Variants in ANO2 observed in about 807,000 individuals in gnomAD.
ANO2 encodes anoctamin 2, also known as anoctamin-2.
ANO2 carries 101 observed loss-of-function variants against 124.2 expected under a neutral mutation model. The ratio of observed to expected loss-of-function variants is 0.81; its 90% CI spans 0.69 to 0.96. ANO2 has a LOEUF of 0.96. ANO2 is among the 40% of genes least tolerant of loss of function. ANO2 has a pLI of 0.00. For synonymous variants in ANO2, 486 were observed against 482.5 expected (o/e 1.01, Z -0.09); for missense variants, 1,293 against 1,274.5 (o/e 1.01, Z -0.22).
chr12:5,818,457 A>G (rs1407225050), intron 7 of ANO2, among the ~76,000 whole-genome samples: 2 of 8,454 alleles, frequency 2.4e-4, no homozygotes, highest in African/African-American at 5.1e-4. Context: ...TTATATATAT[A>G]TATATATATA....
At chr12:5,706,571 C>T (rs1184600202) in intron 14 of ANO2, among the ~76,000 whole-genome samples, 1 of 152,212 alleles carries the variant, frequency 6.6e-6, no homozygotes, top group Non-Finnish European at 1.5e-5. Context: ...TCCCTCCAGC[C>T]ACTGCCCCAT....
chr12:5,619,926 C>G (rs1043249182), intron 16 of ANO2, among the ~76,000 whole-genome samples: 3 of 152,228 alleles, frequency 2.0e-5, no homozygotes, highest in Non-Finnish European at 2.9e-5. Context: ...CTTGCCCCAA[C>G]TCAAGGCCTC....
chr12:5,784,827 C>T (rs1316796347), intron 10 of ANO2, among the ~76,000 whole-genome samples: 1 of 152,180 alleles, frequency 6.6e-6, no homozygotes, highest in African/African-American at 2.4e-5. Flanking sequence ...AGAGAAGCCT[C>T]CTGGAAAAAC....
At chr12:5,609,477 G>C (rs113024649) in intron 19 of ANO2, among the ~76,000 whole-genome samples, 2,435 of 150,700 alleles carry the variant, frequency 0.016, 45 homozygotes, top group African/African-American at 0.045. Flanking sequence ...CTTGAAGCAG[G>C]GCTCTCATTA....
chr12:5,639,094 AG>A (rs1357045358), intron 15 of ANO2, among the ~76,000 whole-genome samples: 3 of 152,170 alleles, frequency 2.0e-5, no homozygotes, highest in Non-Finnish European at 2.9e-5. Context: ...CACAGAAAAA[AG>A]TTTTGGGACA....
At position 5,634,266 on chromosome 12, in the gene ANO2, C is replaced by T. The variant is rs552243182; in HGVS notation, c.1816+886G>A. On this transcript the variant is annotated intron_variant, in intron 16 of 24. Coordinates refer to ENST00000682330, the MANE Select transcript of ANO2 (RefSeq NM_001364791.2). ...CAAGGGAAAGGCACAGACAGAGCAA[C>T]TTTCCGGAATTCTCCAGTCATTAGG... 4.6e-5 allele frequency among the ~76,000 whole-genome samples: 7 copies of T among 152,284 alleles called. No homozygotes were observed. In the South Asian group the frequency reaches 1.2e-3, roughly 27 times the overall value.
chr12:5,711,528 A>G (rs970106101), intron 14 of ANO2, among the ~76,000 whole-genome samples: 4 of 152,232 alleles, frequency 2.6e-5, no homozygotes, highest in Non-Finnish European at 5.9e-5. Context: ...TGGCAATGCA[A>G]AACTAATTCA....
At position 5,606,915 on chromosome 12, in the gene ANO2, T is replaced by C. The variant is rs374924694; in HGVS notation, c.2087+5741A>G. Reference sequence around the variant, plus strand: ...ACTCTTAAACATTTAAAAATTTTCTTTGGAAGAATCTTAGAAAATTGCTTT... The same window carrying C: ...ACTCTTAAACATTTAAAAATTTTCTCTGGAAGAATCTTAGAAAATTGCTTT... On this transcript the variant is annotated intron_variant, in intron 19 of 24. Coordinates refer to ENST00000682330, the MANE Select transcript of ANO2 (RefSeq NM_001364791.2). Among the ~76,000 whole-genome samples, 35 of 152,316 alleles carry C rather than the reference T, an allele frequency of 2.3e-4. No individual in the cohort carries two copies. The East Asian group carries it at 6.4e-3, about 28-fold the overall frequency.
chr12:5,681,229 G>A (rs901098796), intron 14 of ANO2, among the ~76,000 whole-genome samples: 23 of 152,190 alleles, frequency 1.5e-4, no homozygotes, highest in African/African-American at 5.6e-4. Context: ...CAGCTTGCCC[G>A]CCATCTGATT....
At chr12:5,772,157 A>C (rs1443843961) in intron 10 of ANO2, among the ~76,000 whole-genome samples, 1 of 152,250 alleles carries the variant, frequency 6.6e-6, no homozygotes, top group Admixed American at 6.5e-5. Flanking sequence ...TGCAGAGCAA[A>C]AAAAAATGAC....
intron 16 of ANO2, among the ~76,000 whole-genome samples, chr12:5,628,746 G>A (rs1342558679): frequency 6.6e-6 from 1 of 152,222 alleles, no homozygotes; most frequent in African/African-American, 2.4e-5. Flanking sequence ...GTGTGTGCAT[G>A]TGTGTGAGAT....
At chr12:5,798,289 A>AC (rs3837492) in intron 10 of ANO2, among the ~76,000 whole-genome samples, 1 of 152,024 alleles carries the variant, frequency 6.6e-6, no homozygotes, top group East Asian at 1.9e-4. Context: ...CTGCTCCCCC[A>AC]CCCAAGACCT....
At chr12:5,789,041 A>C (rs767906001) in intron 10 of ANO2, among the ~76,000 whole-genome samples, 3 of 152,226 alleles carry the variant, frequency 2.0e-5, no homozygotes, top group Non-Finnish European at 2.9e-5. Context: ...AATCCACAGA[A>C]GTCAAAAGAG....
At chr12:5,851,892 GT>G (rs1954923137) in intron 4 of ANO2, 11 of 721,478 alleles carry the variant, frequency 1.5e-5, no homozygotes, top group Non-Finnish European at 2.3e-5. Context: ...GTGTCTCTAG[GT>G]TTCCCCTAAA....
At chr12:5,711,646 T>A (rs951879108) in intron 14 of ANO2, among the ~76,000 whole-genome samples, 1 of 152,182 alleles carries the variant, frequency 6.6e-6, no homozygotes, top group African/African-American at 2.4e-5. Flanking sequence ...CAAGCTCTCA[T>A]TTGAAATATG....
chr12:5,644,465 C>T (rs1268051516), intron 15 of ANO2, among the ~76,000 whole-genome samples: 1 of 152,210 alleles, frequency 6.6e-6, no homozygotes, highest in Admixed American at 6.5e-5. Flanking sequence ...TGTGCTTCCA[C>T]ATAAATCTTA....
intron 7 of ANO2, among the ~76,000 whole-genome samples, chr12:5,813,014 G>A (rs71435074): frequency 0.9 from 130,145 of 145,014 alleles, 58,958 homozygotes; most frequent in East Asian, 0.99. Flanking sequence ...AAGAAAGAGA[G>A]AGAAAGAAAA....
intron 10 of ANO2, among the ~76,000 whole-genome samples, chr12:5,770,795 A>T (rs1952055393): frequency 6.6e-6 from 1 of 152,184 alleles, no homozygotes; most frequent in Non-Finnish European, 1.5e-5. Flanking sequence ...GTCCTGTTGC[A>T]TCTGGCCCCT....
intron 14 of ANO2, among the ~76,000 whole-genome samples, chr12:5,725,481 TC>T (rs1402210150): frequency 6.6e-6 from 1 of 152,222 alleles, no homozygotes; most frequent in Admixed American, 6.5e-5. Flanking sequence ...ATTCTGCTGT[TC>T]CTTTCCTCTG....
Sources: allele counts gnomAD v4.1 joint callset (sites outside exome capture counted in the v4.1 genomes callset), GRCh38; gene constraint gnomAD v4.1.1; transcripts MANE v1.5; gene names NCBI Gene and HGNC (gene_info 2026-07-23, HGNC 2026-07-21).